ASPH: variants seen among roughly 807,000 people sequenced by gnomAD.
The protein encoded by ASPH is aspartyl/asparaginyl beta-hydroxylase.
In ASPH, 100 loss-of-function variants were observed where a neutral mutation model predicts 118.4. The ratio of observed to expected loss-of-function variants is 0.84; its 90% confidence interval spans 0.72 to 1.00. The LOEUF (loss-of-function observed/expected upper bound fraction) is 1.00. Among genes scored for constraint, ASPH ranks in the 50% least tolerant of loss-of-function variants. The probability of loss-of-function intolerance (pLI) is 0.00; values close to 1 mark genes in which losing one functional copy is unlikely to be tolerated. For synonymous variants in ASPH, 315 were observed against 325.6 expected (o/e 0.97, Z 0.35); for missense variants, 920 against 919.5 (o/e 1.00, Z -0.01).
At chr8:61,516,766 A>G (rs185165698) in intron 24 of ASPH, among the ~76,000 whole-genome samples, 3 of 152,304 alleles carry the variant, frequency 2.0e-5, no homozygotes, top group Admixed American at 2.0e-4. Flanking sequence ...GACAGAGATT[A>G]TCAGCATCAT....
intron 21 of ASPH, among the ~76,000 whole-genome samples, chr8:61,543,392 T>A (rs2130665767): frequency 6.6e-6 from 1 of 152,362 alleles, no homozygotes; most frequent in East Asian, 1.9e-4. Flanking sequence ...AAATCTGGTG[T>A]TGAGCCCCCC....
chr8:61,566,858 T>C (rs1831878773), intron 17 of ASPH, among the ~76,000 whole-genome samples: 1 of 152,210 alleles, frequency 6.6e-6, no homozygotes, highest in South Asian at 2.1e-4. Flanking sequence ...TATTTCACAC[T>C]TAAGACACTA....
chr8:61,667,264 A>G (rs1386207145), intron 3 of ASPH, among the ~76,000 whole-genome samples: 3 of 152,204 alleles, frequency 2.0e-5, no homozygotes, highest in Admixed American at 6.5e-5. Flanking sequence ...CCCACAAAGA[A>G]TATGACTACT....
intron 21 of ASPH, among the ~76,000 whole-genome samples, chr8:61,533,785 T>A (rs1818455578): frequency 6.6e-6 from 1 of 152,214 alleles, no homozygotes; most frequent in South Asian, 2.1e-4. Context: ...AATCATCTAC[T>A]TCTGTTTTCC....
At chr8:61,657,201 C>A (rs1175313892) in intron 3 of ASPH, 4 of 152,102 alleles carry the variant, frequency 2.6e-5, no homozygotes, top group Non-Finnish European at 4.4e-5. Context: ...TGTGAACAGA[C>A]CCTGAAGGAA....
intron 22 of ASPH, among the ~76,000 whole-genome samples, chr8:61,519,485 G>A (rs1812166241): frequency 6.6e-6 from 1 of 152,110 alleles, no homozygotes; most frequent in Admixed American, 6.6e-5. Context: ...CCCTGTGACA[G>A]GAAAAATAAT....
intron 14 of ASPH, among the ~76,000 whole-genome samples, chr8:61,600,106 A>G (rs149623543): frequency 1.1e-3 from 161 of 152,326 alleles, no homozygotes; most frequent in African/African-American, 3.7e-3. Context: ...GGTTCAACAT[A>G]TGAAAATAAA....
At chr8:61,608,699 C>A (rs1480843390) in intron 14 of ASPH, among the ~76,000 whole-genome samples, 1 of 152,120 alleles carries the variant, frequency 6.6e-6, no homozygotes, top group Non-Finnish European at 1.5e-5. Context: ...AGGTCAGCAG[C>A]GTATCTTAAC....
intron 17 of ASPH, among the ~76,000 whole-genome samples, chr8:61,566,801 C>T (rs936529221): frequency 3.3e-5 from 5 of 152,206 alleles, no homozygotes; most frequent in Admixed American, 1.3e-4. Context: ...TTAGCAATAA[C>T]ATATTTTTAA....
rs1026014319 is a variant in ASPH, at chr8:61,660,643, G to A, written c.323-6983C>T. 7.9e-5 allele frequency: 12 copies of A among 152,224 alleles called. No individual in the cohort carries two copies. The East Asian group carries it at 2.3e-3, about 29-fold the overall frequency. 9.4% of individuals were successfully genotyped at this position (152,224 alleles called of 1,614,324 possible). On this transcript the variant is annotated intron_variant, in intron 3 of 24. Transcript: ENST00000379454. ...AGAAAAAAGCCAAAACTACTCCTGG[G>A]CTTTACAATTATGTGAGCCAATCCA...
At chr8:61,510,655 G>T (rs1419488138) in intron 24 of ASPH, among the ~76,000 whole-genome samples, 2 of 152,170 alleles carry the variant, frequency 1.3e-5, no homozygotes, top group Admixed American at 6.5e-5. Flanking sequence ...TCATGTGTAG[G>T]AACAGCCACA....
At chr8:61,599,392 C>T (rs942750123) in intron 14 of ASPH, among the ~76,000 whole-genome samples, 4 of 150,564 alleles carry the variant, frequency 2.7e-5, no homozygotes, top group Non-Finnish European at 4.4e-5. Flanking sequence ...ATGGGTGCAG[C>T]ACAGCAACAC....
intron 14 of ASPH, among the ~76,000 whole-genome samples, chr8:61,603,539 C>A (rs1165092219): frequency 1.3e-5 from 2 of 152,206 alleles, no homozygotes; most frequent in African/African-American, 2.4e-5. Context: ...ATATGACAAT[C>A]TGCTCTGACC....
At chr8:61,680,696 G>C (rs1563558337) in intron 3 of ASPH, 1 of 231,348 alleles carries the variant, frequency 4.3e-6, no homozygotes, top group Non-Finnish European at 8.3e-6. Flanking sequence ...AGAATAAGAA[G>C]TACTTTAAAT....
At chr8:61,565,874 G>C (rs889129655) in intron 17 of ASPH, among the ~76,000 whole-genome samples, 1 of 152,142 alleles carries the variant, frequency 6.6e-6, no homozygotes, top group Non-Finnish European at 1.5e-5. Context: ...GAAAAACCTG[G>C]GGCCCTTAAA....
chr8:61,520,975 C>A (rs1357333281), intron 22 of ASPH, among the ~76,000 whole-genome samples: 2 of 152,210 alleles, frequency 1.3e-5, no homozygotes, highest in African/African-American at 4.8e-5. Flanking sequence ...AACCCAGATT[C>A]TCTGTGCAGT....
At chr8:61,523,473 G>A (rs1814020900) in intron 22 of ASPH, among the ~76,000 whole-genome samples, 1 of 151,676 alleles carries the variant, frequency 6.6e-6, no homozygotes, top group Non-Finnish European at 1.5e-5. Flanking sequence ...GTGCCACTAT[G>A]CCCAGCTAAT....
At chr8:61,578,810 G>T in intron 15 of ASPH, 1 of 1,605,900 alleles carries the variant, frequency 6.2e-7, no homozygotes, top group Non-Finnish European at 8.5e-7. Flanking sequence ...TCCTCATCAA[G>T]AAGGATGTGG....
intron 2 of ASPH, among the ~76,000 whole-genome samples, chr8:61,683,211 G>C (rs1022218147): frequency 6.6e-6 from 1 of 151,740 alleles, no homozygotes; most frequent in Non-Finnish European, 1.5e-5. Flanking sequence ...TTAGGGGAAG[G>C]GGGTAACAAA....
Sources: gnomAD v4.1 joint callset for allele counts (sites outside exome capture counted in the v4.1 genomes callset) on GRCh38, gnomAD v4.1.1 for gene constraint, MANE v1.5 for transcripts, NCBI Gene and HGNC (gene_info 2026-07-23, HGNC 2026-07-21) for gene names.